GSE1: variants seen among roughly 807,000 people sequenced by gnomAD.
GSE1 encodes the protein Gse1 coiled-coil protein, also known as genetic suppressor element 1.
In GSE1, 32 loss-of-function variants were observed where a neutral mutation model predicts 112.6. That is an observed-to-expected ratio of 0.28 (90% confidence interval 0.21 to 0.38). The LOEUF is 0.38. GSE1 is among the 10% of genes least tolerant of loss of function. GSE1 has a pLI of 1.00. For missense variants in GSE1, 2,348 were observed against 1,699.2 expected, an observed-to-expected ratio of 1.38 and a Z score of -6.71; for synonymous variants, 1,115 against 735.6, an observed-to-expected ratio of 1.52 and a Z score of -8.35.
At chr16:85,323,205 A>G (rs1597390373) in intron 1 of GSE1, among the ~76,000 whole-genome samples, 1 of 152,130 alleles carries the variant, frequency 6.6e-6, no homozygotes, top group East Asian at 1.9e-4. Context: ...AAAACCAAAG[A>G]TTGGGTCACA....
chr16:85,463,376 G>A (rs1025362839), intron 2 of GSE1, among the ~76,000 whole-genome samples: 4 of 152,226 alleles, frequency 2.6e-5, no homozygotes, highest in Non-Finnish European at 4.4e-5. Flanking sequence ...GGCTGTGCCT[G>A]GGCCAACTCT....
chr16:85,372,225 G>C (rs925473567), intron 2 of GSE1, among the ~76,000 whole-genome samples: 1 of 152,146 alleles, frequency 6.6e-6, no homozygotes, highest in Non-Finnish European at 1.5e-5. Context: ...GGGCGCGGTG[G>C]CTTGTGCTTG....
intron 1 of GSE1, among the ~76,000 whole-genome samples, chr16:85,591,953 A>T (rs375560232): frequency 4.0e-4 from 61 of 152,254 alleles, no homozygotes; most frequent in East Asian, 2.3e-3. Flanking sequence ...GAGTGCTCAG[A>T]ATGTGGCTGG....
intron 1 of GSE1, among the ~76,000 whole-genome samples, chr16:85,310,873 C>T (rs1318327873): frequency 6.6e-6 from 1 of 151,924 alleles, no homozygotes; most frequent in Non-Finnish European, 1.5e-5. Flanking sequence ...AGGCAGTGCA[C>T]AGCCAAAGCC....
chr16:85,463,036 G>T, intron 2 of GSE1: 2 of 950,470 alleles, frequency 2.1e-6, no homozygotes, highest in Non-Finnish European at 2.5e-6. Flanking sequence ...ATGCTGGGCA[G>T]CCCCTCCTAG....
At chr16:85,170,434 C>A in exon 1 of GSE1, 4 of 985,608 alleles carry the variant, frequency 4.1e-6, no homozygotes, top group Non-Finnish European at 4.8e-6. Context: ...CACTAAGACC[C>A]TGGAGAGCAG....
At chr16:85,671,193 C>G (rs2053300733) in intron 15 of GSE1, 95 bp downstream of exon 15, 7 of 684,178 alleles carry the variant, frequency 1.0e-5, no homozygotes, top group Middle Eastern at 2.7e-4. Flanking sequence ...AGGAAATGTG[C>G]TCTTAAGAGA....
intron 1 of GSE1, among the ~76,000 whole-genome samples, chr16:85,205,990 C>T (rs567976741): frequency 3.9e-5 from 6 of 152,308 alleles, no homozygotes; most frequent in East Asian, 1.9e-4. Flanking sequence ...AGACAGATGT[C>T]GGTGGCCAAA....
At chr16:85,279,451 A>T (rs1030788812) in intron 1 of GSE1, among the ~76,000 whole-genome samples, 1 of 152,080 alleles carries the variant, frequency 6.6e-6, no homozygotes, top group African/African-American at 2.4e-5. Flanking sequence ...TACAAAAAGT[A>T]CAAAAATTAG....
chr16:85,303,346 C>T (rs967768222), intron 1 of GSE1, among the ~76,000 whole-genome samples: 1 of 152,232 alleles, frequency 6.6e-6, no homozygotes, highest in Admixed American at 6.5e-5. Context: ...TCTATGACCC[C>T]TCGGTGGGGA....
intron 1 of GSE1, among the ~76,000 whole-genome samples, chr16:85,271,115 A>G (rs1255592641): frequency 6.6e-6 from 1 of 152,122 alleles, no homozygotes; most frequent in African/African-American, 2.4e-5. Context: ...CGGGAGGTGA[A>G]TGCCCCGGGG....
At chr16:85,474,362 C>T (rs954995543) in intron 2 of GSE1, among the ~76,000 whole-genome samples, 3 of 152,148 alleles carry the variant, frequency 2.0e-5, no homozygotes, top group Non-Finnish European at 2.9e-5. Flanking sequence ...CATCCTGCCA[C>T]GTTGGCAGCT....
chr16:85,588,107 C>A (rs190433210), intron 1 of GSE1, among the ~76,000 whole-genome samples: 1 of 152,194 alleles, frequency 6.6e-6, no homozygotes, highest in Non-Finnish European at 1.5e-5. Flanking sequence ...TGGTGGGCGA[C>A]GCTGTCCTTG....
intron 2 of GSE1, among the ~76,000 whole-genome samples, chr16:85,472,471 A>G (rs2151848540): frequency 6.6e-6 from 1 of 152,304 alleles, no homozygotes; most frequent in East Asian, 1.9e-4. Flanking sequence ...TTTCCTTCTC[A>G]GAAGGACAGC....
At chr16:85,660,488 T>C (rs2052339612) in intron 8 of GSE1, among the ~76,000 whole-genome samples, 1 of 152,010 alleles carries the variant, frequency 6.6e-6, no homozygotes, top group East Asian at 2.0e-4. Flanking sequence ...TAGGAAAAAT[T>C]AGTAGCTGGG....
At chr16:85,456,813 CTG>C (rs2049841832) in intron 2 of GSE1, among the ~76,000 whole-genome samples, 1 of 152,068 alleles carries the variant, frequency 6.6e-6, no homozygotes, top group Non-Finnish European at 1.5e-5. Flanking sequence ...AACCTGCCCT[CTG>C]TGCCCCGCCA....
chr16:85,636,016 G>T (rs980568221), intron 2 of GSE1, among the ~76,000 whole-genome samples: 3 of 152,246 alleles, frequency 2.0e-5, no homozygotes, highest in African/African-American at 7.2e-5. Flanking sequence ...CTCGGCCAGC[G>T]GGTGGCCTGA....
rs978199494 is a variant in GSE1, at chr16:85,172,254, C to G, written c.2283+447C>G. Among the ~76,000 whole-genome samples, 3 of 152,356 alleles carry G rather than the reference C, an allele frequency of 2.0e-5. No individual in the cohort carries two copies. The East Asian group carries it at 5.8e-4, about 29-fold the overall frequency. Reference sequence around the variant, plus strand: ...TCAGAGGTGGAAGTTCCTCTCCGTTCTAGCTCCCGTGTGGCTTGGCTTTTC... The same window carrying G: ...TCAGAGGTGGAAGTTCCTCTCCGTTGTAGCTCCCGTGTGGCTTGGCTTTTC... On this transcript the variant is annotated intron_variant, in intron 1 of 2. Transcript: ENST00000637419.
intron 8 of GSE1, among the ~76,000 whole-genome samples, chr16:85,660,788 G>C (rs868069564): frequency 1.3e-5 from 2 of 152,004 alleles, no homozygotes; most frequent in African/African-American, 4.8e-5. Flanking sequence ...CCGCCACCAT[G>C]CCTGGCTAAT....
Sources: allele counts gnomAD v4.1 joint callset (sites outside exome capture counted in the v4.1 genomes callset), GRCh38; gene constraint gnomAD v4.1.1; transcripts MANE v1.5; gene names NCBI Gene and HGNC (gene_info 2026-07-23, HGNC 2026-07-21).